The following CDH9 variants were observed in gnomAD, a reference collection of about 807,000 sequenced individuals.
The protein encoded by CDH9 is cadherin 9, also known as cadherin-9.
A neutral mutation model predicts 70.9 loss-of-function variants in CDH9; 28 were observed. The observed-to-expected ratio is 0.40, with a 90% confidence interval of 0.29 to 0.54. The LOEUF (loss-of-function observed/expected upper bound fraction) is 0.54. Ranked by LOEUF, CDH9 falls within the 20% of genes least tolerant of loss-of-function variation. The probability of loss-of-function intolerance (pLI) is 0.59; values close to 1 mark genes in which losing one functional copy is unlikely to be tolerated. For missense variants in CDH9, 874 were observed against 984.4 expected (o/e 0.89, Z 1.50); for synonymous variants, 409 against 343.1 (o/e 1.19, Z -2.12).
At chr5:27,028,728 A>C (rs1743262402) in intron 1 of CDH9, among the ~76,000 whole-genome samples, 1 of 151,984 alleles carries the variant, frequency 6.6e-6, no homozygotes, top group Admixed American at 6.6e-5. Flanking sequence ...TAAATGAAAA[A>C]CCATATTTTA....
At chr5:26,903,588 C>A in intron 6 of CDH9, 49 bp downstream of exon 6, 1 of 1,250,098 alleles carries the variant, frequency 8.0e-7, no homozygotes, top group Non-Finnish European at 1.2e-6. Flanking sequence ...GAAAAGCAAA[C>A]GTAAATTATA....
intron 2 of CDH9, among the ~76,000 whole-genome samples, chr5:26,964,178 ACT>A (rs1440619894): frequency 2.0e-5 from 3 of 152,006 alleles, no homozygotes; most frequent in Admixed American, 6.6e-5. Flanking sequence ...AGAAAGCAAG[ACT>A]CTATGCTGAT....
intron 1 of CDH9, among the ~76,000 whole-genome samples, chr5:27,019,627 T>G (rs980975630): frequency 6.6e-6 from 1 of 151,916 alleles, no homozygotes; most frequent in African/African-American, 2.4e-5. Context: ...TTTGCATATT[T>G]CTTAACACAC....
chr5:27,035,675 CGTGTGTGTGTGT>C (rs56317555), intron 1 of CDH9, among the ~76,000 whole-genome samples: 74 of 142,864 alleles, frequency 5.2e-4, no homozygotes, highest in African/African-American at 6.1e-4. Flanking sequence ...TTGCTATTGA[CGTGTGTGTGTGT>C]GTGTGTGTGT....
intron 9 of CDH9, among the ~76,000 whole-genome samples, chr5:26,888,726 T>G (rs1740605489): frequency 1.3e-5 from 2 of 152,260 alleles, no homozygotes; most frequent in South Asian, 4.1e-4. Context: ...TTTCTCATAG[T>G]TCTGGAGAAT....
intron 2 of CDH9, among the ~76,000 whole-genome samples, chr5:26,921,991 T>A (rs1396334881): frequency 2.1e-5 from 3 of 146,204 alleles, no homozygotes; most frequent in Non-Finnish European, 4.5e-5. Context: ...ACAATTAGCT[T>A]GAAGACAGGC....
chr5:27,025,481 G>A (rs1327912578), intron 1 of CDH9, among the ~76,000 whole-genome samples: 5 of 151,944 alleles, frequency 3.3e-5, no homozygotes, highest in South Asian at 2.1e-4. Flanking sequence ...CTTAACTGGA[G>A]ATCATCAAAA....
At chr5:26,929,066 T>C (rs1345101689) in intron 2 of CDH9, among the ~76,000 whole-genome samples, 3 of 151,708 alleles carry the variant, frequency 2.0e-5, no homozygotes, top group Non-Finnish European at 4.4e-5. Context: ...ACCTAAAGAA[T>C]GAGAAAAAAT....
intron 2 of CDH9, among the ~76,000 whole-genome samples, chr5:26,921,259 T>TG (rs1741238809): frequency 6.6e-6 from 1 of 151,906 alleles, no homozygotes; most frequent in African/African-American, 2.4e-5. Flanking sequence ...AGATGCCCAG[T>TG]AATTACTCAC....
chr5:26,900,773 G>A (rs1377650943), intron 7 of CDH9, among the ~76,000 whole-genome samples: 1 of 151,992 alleles, frequency 6.6e-6, no homozygotes, highest in Non-Finnish European at 1.5e-5. Flanking sequence ...ACACTAAGGA[G>A]AAATCAAGAC....
chr5:26,961,048 C>T (rs1742026703), intron 2 of CDH9, among the ~76,000 whole-genome samples: 1 of 151,942 alleles, frequency 6.6e-6, no homozygotes, highest in Non-Finnish European at 1.5e-5. Flanking sequence ...TCCTTGTCCT[C>T]CTTCTCTTAA....
intron 7 of CDH9, among the ~76,000 whole-genome samples, chr5:26,891,627 G>A (rs1250760645): frequency 2.0e-5 from 3 of 152,084 alleles, no homozygotes; most frequent in South Asian, 2.1e-4. Context: ...GCAGTGAGCC[G>A]AGATGGCACC....
chr5:26,905,833 G>A, intron 5 of CDH9, 126 bp downstream of exon 5: 1 of 693,078 alleles, frequency 1.4e-6, no homozygotes, highest in Non-Finnish European at 2.5e-6. Flanking sequence ...GTAGAGGAAT[G>A]GATTATGGTT....
At chr5:26,969,919 AATAT>A (rs763770069) in intron 2 of CDH9, among the ~76,000 whole-genome samples, 9 of 144,664 alleles carry the variant, frequency 6.2e-5, no homozygotes, top group Non-Finnish European at 1.1e-4. Context: ...CATATGTACA[AATAT>A]ATATATATAT....
At chr5:26,939,254 G>C (rs945087539) in intron 2 of CDH9, among the ~76,000 whole-genome samples, 5 of 151,378 alleles carry the variant, frequency 3.3e-5, no homozygotes, top group Non-Finnish European at 7.4e-5. Flanking sequence ...AATATGAACA[G>C]GTAAAATTGT....
chr5:27,033,646 C>CA (rs1329173466), intron 1 of CDH9, among the ~76,000 whole-genome samples: 1 of 150,996 alleles, frequency 6.6e-6, no homozygotes. Flanking sequence ...AAACAAAAAA[C>CA]AAAAAAACAC....
At chr5:26,954,770 G>C (rs573122870) in intron 2 of CDH9, among the ~76,000 whole-genome samples, 1 of 151,994 alleles carries the variant, frequency 6.6e-6, no homozygotes, top group Admixed American at 6.6e-5. Flanking sequence ...GAAGATAATG[G>C]TAGAAATTAA....
intron 2 of CDH9, among the ~76,000 whole-genome samples, chr5:26,980,641 A>G (rs982843328): frequency 1.3e-5 from 2 of 152,012 alleles, no homozygotes; most frequent in African/African-American, 4.8e-5. Flanking sequence ...TCTGGTCATC[A>G]GAAAAAGGAA....
At chr5:26,915,993 C>T (rs1009009041) in intron 2 of CDH9, 69 bp from the exon 3 acceptor site, 69 of 1,105,956 alleles carry the variant, frequency 6.2e-5, no homozygotes, top group Admixed American at 6.9e-5. Context: ...ATAATTTTGG[C>T]GCTATCAATT....
Sources: allele counts gnomAD v4.1 joint callset (sites outside exome capture counted in the v4.1 genomes callset), GRCh38; gene constraint gnomAD v4.1.1; transcripts MANE v1.5; gene names NCBI Gene and HGNC (gene_info 2026-07-23, HGNC 2026-07-21).